ARHGAP23: variants seen among roughly 807,000 people sequenced by gnomAD.
The protein encoded by ARHGAP23 is rho GTPase-activating protein 23.
ARHGAP23 carries 34 observed loss-of-function variants against 136.3 expected under a neutral mutation model. That is an observed-to-expected ratio of 0.25 (90% CI 0.19 to 0.33). The LOEUF (loss-of-function observed/expected upper bound fraction) is 0.33. ARHGAP23 is among the 10% of genes least tolerant of loss of function. ARHGAP23 has a pLI of 1.00. For missense variants in ARHGAP23, 1,808 were observed against 2,139.0 expected (o/e 0.85, Z 3.05); for synonymous variants, 832 against 920.5 (o/e 0.90, Z 1.74).
At chr17:38,456,065 A>G (rs1053365070) in intron 1 of ARHGAP23, among the ~76,000 whole-genome samples, 4 of 152,192 alleles carry the variant, frequency 2.6e-5, no homozygotes, top group Non-Finnish European at 5.9e-5. Context: ...GTATAGGAGT[A>G]GAACAGTCTA....
intron 1 of ARHGAP23, among the ~76,000 whole-genome samples, chr17:38,448,549 T>C (rs965912491): frequency 2.0e-5 from 3 of 150,998 alleles, no homozygotes; most frequent in African/African-American, 7.3e-5. Flanking sequence ...ATCTAGAAAG[T>C]GGTAGAGATA....
chr17:38,432,850 C>T (rs1187634517), intron 1 of ARHGAP23, among the ~76,000 whole-genome samples: 5 of 152,142 alleles, frequency 3.3e-5, no homozygotes, highest in Non-Finnish European at 7.4e-5. Flanking sequence ...CCAAACGAAA[C>T]AAAAAAGCTC....
At position 38,510,596 on chromosome 17, in the gene ARHGAP23, C is replaced by T. The variant is rs1396308043; in HGVS notation, c.4100C>T (p.Ser1367Leu). Residue 1367 changes from serine to leucine, a missense_variant, in exon 24 of 24, where the codon TCG becomes TTG. Ser to Leu is a moderately radical substitution (Grantham distance 145, BLOSUM62 -2). Coordinates refer to ENST00000622683, the MANE Select transcript of ARHGAP23 (RefSeq NM_001199417.2). The surrounding 1 kb of genome is among the most constrained non-coding windows in gnomAD (Gnocchi z 4.6). ...PPAAALASRP[S>L]RMEALRLRLR... ...GCGGCGGCGCTGGCCTCCCGGCCCTCGCGCATGGAGGCGCTGCGTCTAAGG... is the reference window on the plus strand; with the variant it reads ...GCGGCGGCGCTGGCCTCCCGGCCCTTGCGCATGGAGGCGCTGCGTCTAAGG... The T allele has an allele frequency of 1.6e-6, 2 of 1,282,892 alleles. No homozygotes were observed. The highest frequency in any genetic ancestry group is 2.0e-6 in the Non-Finnish European group (2 of 1,018,602). 79.5% of individuals were successfully genotyped at this position (1,282,892 alleles called of 1,614,324 possible).
At chr17:38,431,385 G>C (rs1190927468) in intron 1 of ARHGAP23, among the ~76,000 whole-genome samples, 1 of 152,162 alleles carries the variant, frequency 6.6e-6, no homozygotes, top group African/African-American at 2.4e-5. Flanking sequence ...GTAAGATATT[G>C]GCTTGGTCAG....
chr17:38,508,946 G>A (rs1394806228), intron 23 of ARHGAP23, among the ~76,000 whole-genome samples: 4 of 151,076 alleles, frequency 2.6e-5, no homozygotes, highest in Non-Finnish European at 4.4e-5. Flanking sequence ...CGCTGCTTGG[G>A]AATGGTATTT....
rs1440606233 is a variant in ARHGAP23, at chr17:38,462,852, C to T, written c.260C>T (p.Ser87Phe). 6.6e-7 allele frequency: 1 copy of T among 1,514,274 alleles called. No individual in the cohort carries two copies. Among genetic ancestry groups the T allele is most frequent in the African/African-American group, 1.4e-5 (1 of 70,632 alleles). 93.8% of individuals were successfully genotyped at this position (1,514,274 alleles called of 1,614,324 possible). The part of the protein sequence containing the change: ...EENGGRGGGP[S>F]PRYRLEPMDT... ...CCTGGCTGATGCCCACTAGGACCCT[C>T]CCCCCGGTACCGCCTGGAGCCCATG... The change falls in exon 4 of 24, where the codon TCC becomes TTC. Residue 87 changes from serine to phenylalanine, a missense_variant. Ser to Phe is a radical substitution (Grantham distance 155). This residue lies in a region of ARHGAP23 where 859 missense variants were observed against 936.4 expected (regional missense o/e 0.92). Coordinates refer to ENST00000622683, the MANE Select transcript of ARHGAP23 (RefSeq NM_001199417.2).
intron 16 of ARHGAP23, among the ~76,000 whole-genome samples, chr17:38,484,452 G>T (rs1469670412): frequency 6.6e-6 from 1 of 152,086 alleles, no homozygotes; most frequent in Non-Finnish European, 1.5e-5. Flanking sequence ...GAGTGGCATG[G>T]GTCCTGCTGC....
chr17:38,463,330 A>G lies in ARHGAP23; in HGVS notation c.431A>G (p.Asp144Gly), dbSNP rs1411029429. ...SQVIALIQNS[D>G]DTLELSIMPK... ...TGACGTTCTGCCTGTCTCTGTAGTG[A>G]TGACACTCTGGAGCTGTCTATCATG... The change falls in exon 6 of 24, where the codon GAT becomes GGT. Residue 144 changes from aspartate (D) to glycine (G), a missense_variant and splice_region_variant. By Grantham distance (94) the Asp-to-Gly change is moderately conservative (BLOSUM62 -1). Transcript: ENST00000622683. The G allele has an allele frequency of 3.2e-6, 5 of 1,551,586 alleles. No individual in the cohort carries two copies. Among genetic ancestry groups the G allele is most frequent in the Middle Eastern group, 1.7e-4 (1 of 5,992 alleles).
Position 38,466,533 on chromosome 17 carries a change from T to A in ARHGAP23, c.850T>A (p.Cys284Ser). Residue 284 changes from cysteine (C) to serine (S), a missense_variant, in exon 7 of 24, where the codon TGC becomes AGC. Around this residue, in one of 7 missense-constraint regions of ARHGAP23, gnomAD observed 859 missense variants for 936.4 expected, o/e 0.92. Coordinates refer to ENST00000622683, the MANE Select transcript of ARHGAP23 (RefSeq NM_001199417.2). The part of the protein sequence containing the change: ...GSRVPPSRLE[C>S]QQALSHWLSN... ...CCGGGTGCCCCCCAGCAGACTGGAG[T>A]GCCAGCAGGCCTTGTCACACTGGCT... is the stretch of plus-strand genomic sequence containing the variant. 6.8e-7 allele frequency: 1 copy of A among 1,474,094 alleles called. No homozygotes were observed. The highest frequency in any genetic ancestry group is 1.4e-5 in the South Asian group (1 of 73,616). 91.3% of individuals were successfully genotyped at this position (1,474,094 alleles called of 1,614,324 possible).
chr17:38,511,037 C>T lies in ARHGAP23; in HGVS notation c.*65C>T. 7.4e-7 allele frequency: 1 copy of T among 1,348,358 alleles called. No homozygotes were observed. Among genetic ancestry groups the T allele is most frequent in the Non-Finnish European group, 9.5e-7 (1 of 1,048,816 alleles). The allele number at this position is 1,348,358 out of a possible 1,614,324, so 83.5% of individuals were successfully genotyped here. A position where few individuals can be genotyped will look rare whatever the true frequency, so the allele number is the denominator to read the frequency against. On this transcript the variant is annotated 3_prime_UTR_variant, in exon 24 of 24. Coordinates refer to ENST00000622683, the MANE Select transcript of ARHGAP23 (RefSeq NM_001199417.2). Reference sequence around the variant, plus strand: ...GAGCCCCTTTGGAACCAGGAGGCTTCACCAGCCTGCACCTCCTCTTCTGTG... The same window carrying T: ...GAGCCCCTTTGGAACCAGGAGGCTTTACCAGCCTGCACCTCCTCTTCTGTG...
chr17:38,423,913 C>T (rs1282062893), upstream of ARHGAP23, among the ~76,000 whole-genome samples: 1 of 152,148 alleles, frequency 6.6e-6, no homozygotes, highest in East Asian at 1.9e-4. Context: ...CCATAACCCA[C>T]CTTTCATACA....
rs1034706128 is a variant in ARHGAP23 at position 38,504,721 on chromosome 17, T to C, written c.3447+4093T>C. Among the ~76,000 whole-genome samples, 195 of 152,168 alleles carry C rather than the reference T, an allele frequency of 1.3e-3. 1 individual carries two copies. The highest frequency in any genetic ancestry group is 4.5e-3 in the African/African-American group (186 of 41,442). On this transcript the variant is annotated intron_variant, in intron 23 of 23. Coordinates refer to ENST00000622683, the MANE Select transcript of ARHGAP23 (RefSeq NM_001199417.2). ...CTGGGTCTCTAGGGAGGATTCGATT[T>C]GGACAGAGTGCTCCCAAGCTCATCA...
At chr17:38,442,279 G>A (rs1285053582) in intron 1 of ARHGAP23, among the ~76,000 whole-genome samples, 1 of 151,866 alleles carries the variant, frequency 6.6e-6, no homozygotes, top group Non-Finnish European at 1.5e-5. Flanking sequence ...CCTTATTCCA[G>A]CACCCCCGAC....
At chr17:38,485,941 T>C (rs1012665838) in intron 16 of ARHGAP23, 121 bp from the exon 17 acceptor site, 19 of 840,820 alleles carry the variant, frequency 2.3e-5, no homozygotes, top group Non-Finnish European at 3.2e-5. Context: ...AGTAGAGAGC[T>C]TGGTCTAAGT....
At position 38,510,221 on chromosome 17, in the gene ARHGAP23, A is replaced by G; in HGVS notation, c.3725A>G (p.Asp1242Gly). 7.3e-7 allele frequency: 1 copy of G among 1,375,910 alleles called. No homozygotes were observed. The highest frequency in any genetic ancestry group is 9.4e-7 in the Non-Finnish European group (1 of 1,064,604). The allele number at this position is 1,375,910 out of a possible 1,614,324, so 85.2% of individuals were successfully genotyped here. The change falls in exon 24 of 24, where the codon GAC (aspartate) becomes GGC (glycine). Residue 1242 changes from aspartate (D) to glycine (G), a missense_variant. Around this residue, in one of 7 missense-constraint regions of ARHGAP23, gnomAD observed 506 missense variants for 455.8 expected, o/e 1.11. Coordinates refer to ENST00000622683, the MANE Select transcript of ARHGAP23 (RefSeq NM_001199417.2). The surrounding 1 kb of genome is among the most constrained non-coding windows in gnomAD (Gnocchi z 4.6). ...GCGCCGGAGGAGCGGCCGGCCGCGG[A>G]CACGCGCTCCATTGTGTCGGGCTAC... ...PAAPEERPAADTRSIVSGYST... is the reference protein window; with the variant it reads ...PAAPEERPAAGTRSIVSGYST...
rs1052117793 is a variant in ARHGAP23, at chr17:38,467,044, C to T, written c.1361C>T (p.Ser454Phe). The T allele has an allele frequency of 4.2e-5, 65 of 1,550,864 alleles. No individual in the cohort carries two copies. Among genetic ancestry groups the T allele is most frequent in the Non-Finnish European group, 5.2e-5 (60 of 1,146,984 alleles). ...GGLPTFNLAQ[S>F]PASFPPEASE... is the part of the protein sequence containing the mutation. ...CTGCCTACCTTCAACCTGGCCCAGT[C>T]CCCTGCGTCATTCCCACCAGAGGCC... The change falls in exon 7 of 24, where the codon TCC (serine) becomes TTC (phenylalanine). Residue 454 changes from serine to phenylalanine, a missense_variant. Ser to Phe is a radical substitution (Grantham distance 155). Transcript: ENST00000622683.
intron 23 of ARHGAP23, among the ~76,000 whole-genome samples, chr17:38,508,438 A>C (rs2040681702): frequency 6.6e-6 from 1 of 152,102 alleles, no homozygotes; most frequent in African/African-American, 2.4e-5. Context: ...AGGCTGGGAA[A>C]GTTGGGGCTG....
chr17:38,432,587 G>A (rs1696151166), intron 1 of ARHGAP23, among the ~76,000 whole-genome samples: 1 of 152,206 alleles, frequency 6.6e-6, no homozygotes, highest in South Asian at 2.1e-4. Flanking sequence ...CCTGAGGCAG[G>A]AGAATCGCTT....
intron 17 of ARHGAP23, among the ~76,000 whole-genome samples, chr17:38,487,391 G>A (rs930023794): frequency 1.3e-5 from 2 of 152,180 alleles, no homozygotes; most frequent in East Asian, 1.9e-4. Context: ...GTCCTTGCAC[G>A]CCTGGATCTG....
Sources: gnomAD v4.1 joint callset for allele counts (sites outside exome capture counted in the v4.1 genomes callset) on GRCh38, gnomAD v4.1.1 for gene constraint, gnomAD v4.1.1 regional missense constraint, Gnocchi (gnomAD v3.1) non-coding constraint, MANE v1.5 for transcripts, NCBI Gene and HGNC (gene_info 2026-07-23, HGNC 2026-07-21) for gene names.